Variants in MRTFB observed in about 807,000 individuals in gnomAD.
MRTFB encodes myocardin related transcription factor B, also known as myocardin-related transcription factor B.
MRTFB carries 29 observed loss-of-function variants against 104.2 expected under a neutral mutation model. The ratio of observed to expected loss-of-function variants is 0.28; its 90% CI spans 0.21 to 0.38. MRTFB has a LOEUF of 0.38. Among genes scored for constraint, MRTFB ranks in the 10% least tolerant of loss-of-function variants. The pLI is 1.00. For synonymous variants in MRTFB, 535 were observed against 519.5 expected, an observed-to-expected ratio of 1.03 and a Z score of -0.41; for missense variants, 1,270 against 1,341.6, an observed-to-expected ratio of 0.95 and a Z score of 0.83.
chr16:14,246,162 GT>G (rs1461834881), intron 11 of MRTFB, among the ~76,000 whole-genome samples: 2 of 152,276 alleles, frequency 1.3e-5, no homozygotes, highest in East Asian at 3.9e-4. Context: ...ATTTCCAAAA[GT>G]GTCTTGCACA....
At chr16:14,050,168 C>G in the MRTFB span, among the ~76,000 whole-genome samples, 49 of 152,160 alleles carry the variant, frequency 3.2e-4, no homozygotes, top group Middle Eastern at 3.4e-3. Flanking sequence ...CAGACAGACA[C>G]ACACACACAC....
chr16:14,052,783 T>C, the MRTFB span, among the ~76,000 whole-genome samples: 8 of 152,024 alleles, frequency 5.3e-5, no homozygotes, highest in Non-Finnish European at 4.4e-5. Flanking sequence ...AATAAATTGT[T>C]GTTAACCACA....
At chr16:14,220,728 G>A (rs575654553) in intron 8 of MRTFB, among the ~76,000 whole-genome samples, 4 of 152,334 alleles carry the variant, frequency 2.6e-5, no homozygotes, top group African/African-American at 9.6e-5. Flanking sequence ...CAGTGCTGCT[G>A]CAGTACAGTT....
chr16:14,236,768 T>C (rs2042534917), intron 9 of MRTFB, among the ~76,000 whole-genome samples: 1 of 152,220 alleles, frequency 6.6e-6, no homozygotes, highest in Non-Finnish European at 1.5e-5. Context: ...AGGCTTTGTA[T>C]TACTGCTAAG....
intron 8 of MRTFB, among the ~76,000 whole-genome samples, chr16:14,227,599 C>A (rs1457759170): frequency 6.6e-6 from 1 of 152,146 alleles, no homozygotes. Context: ...ACAACCTCCA[C>A]CTCCCAGGTT....
Position 14,119,861 on chromosome 16 carries a change from C to T in MRTFB, c.-63-20683C>T, listed in dbSNP as rs886189153. Among the ~76,000 whole-genome samples the T allele has an allele frequency of 1.1e-4, 17 of 152,184 alleles. 2 individuals are homozygous for T. The highest frequency in any genetic ancestry group is 1.1e-3 in the Admixed American group (17 of 15,276). Reference sequence around the variant, plus strand: ...AATTTAACAGCACCTGCAGGTGGAACAGCTGACGTGTAGGGTCCTACATTT... The same window carrying T: ...AATTTAACAGCACCTGCAGGTGGAATAGCTGACGTGTAGGGTCCTACATTT... On this transcript the variant is annotated intron_variant, in intron 2 of 16. Transcript: ENST00000571589.
chr16:14,253,509 G>A (rs1481918602), intron 15 of MRTFB, among the ~76,000 whole-genome samples: 2 of 152,192 alleles, frequency 1.3e-5, no homozygotes, highest in African/African-American at 4.8e-5. Context: ...AAGGAACGTG[G>A]GGCCAAGGGC....
intron 2 of MRTFB, among the ~76,000 whole-genome samples, chr16:14,136,283 A>T (rs1233307796): frequency 1.3e-5 from 2 of 152,058 alleles, no homozygotes; most frequent in East Asian, 3.8e-4. Context: ...CAAAAAAAAA[A>T]GAAAAAAAAA....
At chr16:14,039,462 A>G in the MRTFB span, among the ~76,000 whole-genome samples, 9 of 152,312 alleles carry the variant, frequency 5.9e-5, no homozygotes, top group African/African-American at 1.9e-4. Flanking sequence ...AAGGATATGA[A>G]TACCAGAAGG....
At chr16:14,239,048 G>T (rs1335772148) in intron 9 of MRTFB, among the ~76,000 whole-genome samples, 1 of 152,114 alleles carries the variant, frequency 6.6e-6, no homozygotes, top group African/African-American at 2.4e-5. Flanking sequence ...GCACACGTTT[G>T]GTTCTCATGA....
chr16:14,077,409 C>T (rs547679248), intron 1 of MRTFB, among the ~76,000 whole-genome samples: 73 of 152,046 alleles, frequency 4.8e-4, no homozygotes, highest in Non-Finnish European at 8.7e-4. Flanking sequence ...TGGGGTACAT[C>T]TCTGCACTTT....
chr16:14,022,804 CAGTGGCCTCAGCCTCCCG>C, the MRTFB span, among the ~76,000 whole-genome samples: 3 of 141,318 alleles, frequency 2.1e-5, no homozygotes, highest in East Asian at 6.1e-4. Context: ...GACTGAAGTG[CAGTGGCCTCAGCCTCCCG>C]AGTGGCTGGG....
At chr16:14,145,095 T>C (rs1215754046) in intron 3 of MRTFB, among the ~76,000 whole-genome samples, 1 of 151,206 alleles carries the variant, frequency 6.6e-6, no homozygotes, top group African/African-American at 2.4e-5. Flanking sequence ...GCAGAGTATG[T>C]TCACATCAAG....
intron 3 of MRTFB, chr16:14,143,747 T>C (rs2038148053): frequency 2.0e-5 from 3 of 152,152 alleles, no homozygotes; most frequent in Non-Finnish European, 4.4e-5. Context: ...ATACTCATAA[T>C]CTCTATAACA....
chr16:13,995,096 G>A, the MRTFB span, among the ~76,000 whole-genome samples: 2 of 152,152 alleles, frequency 1.3e-5, no homozygotes, highest in African/African-American at 2.4e-5. Flanking sequence ...ATCCACAAAT[G>A]ATTGACAAAG....
the MRTFB span, among the ~76,000 whole-genome samples, chr16:14,029,657 T>G: frequency 6.6e-6 from 1 of 152,006 alleles, no homozygotes; most frequent in Non-Finnish European, 1.5e-5. Context: ...ATCGTCACTG[T>G]GTACGCACAT....
intron 3 of MRTFB, among the ~76,000 whole-genome samples, chr16:14,158,163 T>C (rs2038894866): frequency 1.3e-5 from 2 of 152,224 alleles, no homozygotes; most frequent in South Asian, 4.1e-4. Context: ...CAAACCACTT[T>C]TTTTCTCATT....
At chr16:14,017,595 A>G in the MRTFB span, among the ~76,000 whole-genome samples, 8 of 268 alleles carry the variant, frequency 0.03, no homozygotes, top group Non-Finnish European at 0.095. Context: ...TGACTACAGT[A>G]TATATATATA....
the MRTFB span, among the ~76,000 whole-genome samples, chr16:14,038,423 T>C: frequency 6.6e-6 from 1 of 152,214 alleles, no homozygotes; most frequent in African/African-American, 2.4e-5. Context: ...GATCAGCGTT[T>C]CCCAAGGTAT....
Sources: gnomAD v4.1 joint callset for allele counts (sites outside exome capture counted in the v4.1 genomes callset) on GRCh38, gnomAD v4.1.1 for gene constraint, MANE v1.5 for transcripts, NCBI Gene and HGNC (gene_info 2026-07-23, HGNC 2026-07-21) for gene names.